The following RIN1 variants were observed in gnomAD, a reference collection of about 807,000 sequenced individuals.
RIN1 encodes the protein Ras and Rab interactor 1.
A neutral mutation model predicts 64.9 loss-of-function variants in RIN1; 52 were observed. The ratio of observed to expected loss-of-function variants is 0.80; its 90% CI spans 0.64 to 1.01. RIN1 has a LOEUF of 1.01. Ranked by LOEUF, RIN1 falls within the 50% of genes least tolerant of loss-of-function variation. The pLI, the probability that RIN1 is intolerant of heterozygous loss-of-function variation, is 0.00. For missense variants in RIN1, 1,040 were observed against 1,064.5 expected (o/e 0.98, Z 0.32); for synonymous variants, 486 against 483.6 (o/e 1.00, Z -0.06).
Position 66,335,398 on chromosome 11 carries a change from A to G in RIN1, c.547+9T>C. The G allele has an allele frequency of 1.9e-6, 3 of 1,601,030 alleles. No homozygotes were observed. On this transcript the variant is annotated intron_variant, in intron 5 of 9. Coordinates refer to ENST00000311320, the MANE Select transcript of RIN1 (RefSeq NM_004292.3). ...TTCATCTGTGCAATGGGTGGCAGGA[A>G]GCCCTTACCAATGCCCAGATGGGAG...
Position 66,334,775 on chromosome 11 carries a change from G to T in RIN1, c.1024C>A (p.Arg342Ser). 1.3e-6 allele frequency: 2 copies of T among 1,548,608 alleles called. No homozygotes were observed. The highest frequency in any genetic ancestry group is 2.4e-5 in the South Asian group (2 of 84,232). The change falls in exon 6 of 10, where the codon CGC (arginine) becomes AGC (serine). Residue 342 changes from arginine to serine, a missense_variant. Transcript: ENST00000311320. ...ATGGACCGAAGCAGAGGTCGTCGGCGGCCCAGGTGGGGTGAGGTCGCTGGG... is the reference window on the plus strand; with the variant it reads ...ATGGACCGAAGCAGAGGTCGTCGGCTGCCCAGGTGGGGTGAGGTCGCTGGG... ...GSPATSPHLG[R>S]RRPLLRSMSA... is the part of the protein sequence containing the mutation.
Position 66,332,259 on chromosome 11 carries a change from C to T in RIN1, c.*17G>A. 1 of 1,611,896 alleles carries T rather than the reference C, an allele frequency of 6.2e-7. No homozygotes were observed. Among genetic ancestry groups the T allele is most frequent in the Non-Finnish European group, 8.5e-7 (1 of 1,178,490 alleles). On this transcript the variant is annotated 3_prime_UTR_variant, in exon 10 of 10. Transcript: ENST00000311320. ...TCAGGGTCTCCCGCCCCGAATGACC[C>T]TTCTGGCCACTTCAAGCTACTCCTC...
chr11:66,336,212 C>G, intron 1 of RIN1, 54 bp from the exon 2 acceptor site: 1 of 1,490,020 alleles, frequency 6.7e-7, no homozygotes. Flanking sequence ...GACCCTTGCT[C>G]TCCTCTTCCC....
Position 66,334,794 on chromosome 11 carries a change from C to T in RIN1, c.1005G>A (p.Ala335=), listed in dbSNP as rs761075153. Residue 335 remains alanine (A), a synonymous_variant, in exon 6 of 10, where the codon GCG becomes GCA. Coordinates refer to ENST00000311320, the MANE Select transcript of RIN1 (RefSeq NM_004292.3). ...EGVPGSRGSP[A]TSPHLGRRRP... ...GTCGGCGGCCCAGGTGGGGTGAGGT[C>T]GCTGGGCTCCCCCGGGACCCTGGCA... 15 of 1,547,496 alleles carry T rather than the reference C, an allele frequency of 9.7e-6. No homozygotes were observed. The highest frequency in any genetic ancestry group is 2.7e-5 in the African/African-American group (2 of 73,138).
Position 66,333,517 on chromosome 11 carries a change from G to A in RIN1, c.1723+10C>T. 6.2e-7 allele frequency: 1 copy of A among 1,612,336 alleles called. No individual in the cohort carries two copies. Among genetic ancestry groups the A allele is most frequent in the Non-Finnish European group, 8.5e-7 (1 of 1,179,576 alleles). On this transcript the variant is annotated intron_variant, in intron 8 of 9. Transcript: ENST00000311320. The stretch of plus-strand genomic sequence containing the variant: ...CCACCCAGACAGGGAGGTGGGTGGG[G>A]GTCCCTCACCCTCTCCAGTAAGCAG...
At chr11:66,333,183 A>T in intron 9 of RIN1, 75 bp downstream of exon 9, 1 of 1,543,264 alleles carries the variant, frequency 6.5e-7, no homozygotes, top group South Asian at 1.1e-5. Context: ...CAGAGTCTGG[A>T]CTCTTCACCA....
chr11:66,335,867 C>G lies in RIN1; in HGVS notation c.277G>C (p.Val93Leu), dbSNP rs766478068. The change falls in exon 3 of 10, where the codon GTG (valine) becomes CTG (leucine). Residue 93 changes from valine (V) to leucine (L), a missense_variant. Transcript: ENST00000311320. ...LRTEPPGTFL[V>L]RKSNTRQCQA... ...CACTGGCGGGTGTTAGATTTCCGCA[C>G]GAGGAACGTCTGCAAGTGGATAGGG... 6 of 1,569,216 alleles carry G rather than the reference C, an allele frequency of 3.8e-6. No individual in the cohort carries two copies. In the Admixed American group the frequency reaches 5.4e-5, roughly 14 times the overall value.
At position 66,332,424 on chromosome 11, in the gene RIN1, C is replaced by T; in HGVS notation, c.2204G>A (p.Gly735Glu). 1 of 1,614,204 alleles carries T rather than the reference C, an allele frequency of 6.2e-7. No individual in the cohort carries two copies. Among genetic ancestry groups the T allele is most frequent in the Non-Finnish European group, 8.5e-7 (1 of 1,180,040 alleles). Reference sequence around the variant, plus strand: ...GGCTTTGACCCCAGCATCCCCATCTCCCTGGCACCCTTGCTCCTCCCCTCT... The same window carrying T: ...GGCTTTGACCCCAGCATCCCCATCTTCCTGGCACCCTTGCTCCTCCCCTCT... Reference protein sequence around the residue: ...RSRGEEQGCQGDGDAGVKASP... With the variant: ...RSRGEEQGCQEDGDAGVKASP... The change falls in exon 10 of 10, where the codon GGA (glycine) becomes GAA (glutamate). Residue 735 changes from glycine to glutamate, a missense_variant. Coordinates refer to ENST00000311320, the MANE Select transcript of RIN1 (RefSeq NM_004292.3).
At chr11:66,336,254 G>A (rs1210760865) in intron 1 of RIN1, 63 bp downstream of exon 1, 56 of 1,529,332 alleles carry the variant, frequency 3.7e-5, no homozygotes, top group East Asian at 3.4e-4. Context: ...CTCTATCCCC[G>A]GATAGGCCCT....
rs1252008561 is a variant in RIN1 at position 66,334,050 on chromosome 11, G to A, written c.1460C>T (p.Pro487Leu). The A allele has an allele frequency of 3.2e-6, 5 of 1,573,654 alleles. No individual in the cohort carries two copies. Among genetic ancestry groups the A allele is most frequent in the African/African-American group, 2.7e-5 (2 of 74,508 alleles). The part of the protein sequence containing the change: ...PGAFGSHLSL[P>L]SPVELEQVRQ... The stretch of plus-strand genomic sequence containing the variant: ...CACTTGCTCCAACTCTACTGGGGAG[G>A]GCAGGCTCAGGTGGGACCCGAAGGC... The change falls in exon 7 of 10, where the codon CCC (proline) becomes CTC (leucine). Residue 487 changes from proline (P) to leucine (L), a missense_variant. Physicochemically the swap from Pro to Leu is moderately conservative, Grantham distance 98 (BLOSUM62 -3). Coordinates refer to ENST00000311320, the MANE Select transcript of RIN1 (RefSeq NM_004292.3).
chr11:66,333,389 G>C lies in RIN1; in HGVS notation c.1744C>G (p.Leu582Val). ...CTCAGCAGGGCCAGGCTGGCAGAGAGGCTGGTCAGGTAGTAGCCACCTGGG... is the reference window on the plus strand; with the variant it reads ...CTCAGCAGGGCCAGGCTGGCAGAGACGCTGGTCAGGTAGTAGCCACCTGGG... ...TGEGGYYLTS[L>V]SASLALLSGL... Residue 582 changes from leucine (L) to valine (V), a missense_variant, in exon 9 of 10, where the codon CTC (leucine) becomes GTC (valine). By Grantham distance (32) the Leu-to-Val change is conservative. Coordinates refer to ENST00000311320, the MANE Select transcript of RIN1 (RefSeq NM_004292.3). 1 of 1,610,386 alleles carries C rather than the reference G, an allele frequency of 6.2e-7. No individual in the cohort carries two copies. Among genetic ancestry groups the C allele is most frequent in the Non-Finnish European group, 8.5e-7 (1 of 1,177,980 alleles).
Position 66,335,990 on chromosome 11 carries a change from G to C in RIN1, c.255C>G (p.Thr85=). ...NAAAALHMLR[T]EPPGTFLVRK... ...GGGCAAGACTCACCCCCGGGGGCTC[G>C]GTCCTCAGCATGTGCAGTGCGGCCG... The change falls in exon 2 of 10, where the codon ACC becomes ACG. Residue 85 remains threonine (T), a synonymous_variant. Transcript: ENST00000311320. The C allele has an allele frequency of 6.8e-7, 1 of 1,475,178 alleles. No homozygotes were observed. 91.4% of individuals were successfully genotyped at this position (1,475,178 alleles called of 1,614,324 possible). A position where few individuals can be genotyped will look rare whatever the true frequency, so the allele number is the denominator to read the frequency against.
In RIN1 at chr11:66,332,658, T is replaced by A. The variant is rs375078544; in HGVS notation, c.1970A>T (p.Gln657Leu). 7.6e-6 allele frequency: 12 copies of A among 1,587,328 alleles called. No homozygotes were observed. In the African/African-American group the frequency reaches 1.2e-4, roughly 16 times the overall value. ...CACTCGGAACTTGGTGGCACAGAGCTGGTTCAGGGTGGCAATCGAGGCTTC... is the reference window on the plus strand; with the variant it reads ...CACTCGGAACTTGGTGGCACAGAGCAGGTTCAGGGTGGCAATCGAGGCTTC... ...PPEASIATLN[Q>L]LCATKFRVTQ... The change falls in exon 10 of 10, where the codon CAG becomes CTG. Residue 657 changes from glutamine (Q) to leucine (L), a missense_variant. Physicochemically the swap from Gln to Leu is moderately radical, Grantham distance 113. Coordinates refer to ENST00000311320, the MANE Select transcript of RIN1 (RefSeq NM_004292.3).
chr11:66,335,006 G>A lies in RIN1; in HGVS notation c.793C>T (p.Pro265Ser), dbSNP rs201433709. Residue 265 changes from proline (P) to serine (S), a missense_variant, in exon 6 of 10, where the codon CCC becomes TCC. Transcript: ENST00000311320. The part of the protein sequence containing the change: ...SPLSPPAVPP[P>S]PVPVLPGAVP... Reference sequence around the variant, plus strand: ...GCCCCTGGCAGCACGGGGACGGGGGGAGGTGGCACGGCAGGTGGAGACAGG... The same window carrying A: ...GCCCCTGGCAGCACGGGGACGGGGGAAGGTGGCACGGCAGGTGGAGACAGG... 4.7e-5 allele frequency: 72 copies of A among 1,543,226 alleles called. 1 individual carries two copies. In the East Asian group the frequency reaches 1.5e-3, roughly 32 times the overall value.
In RIN1 at chr11:66,330,981, G is replaced by A. The variant is rs565580305; in HGVS notation, c.*1295C>T. On this transcript the variant is annotated 3_prime_UTR_variant, in exon 10 of 10. Coordinates refer to ENST00000311320, the MANE Select transcript of RIN1 (RefSeq NM_004292.3). The stretch of plus-strand genomic sequence containing the variant: ...CAGACCCCAGAATCTAAGGGACCTG[G>A]GGGCCAGTGGCCTTGGCCCCTGCGC... 3 of 152,410 alleles carry A rather than the reference G, an allele frequency of 2.0e-5. No individual in the cohort carries two copies. The highest frequency in any genetic ancestry group is 7.2e-5 in the African/African-American group (3 of 41,586). 9.4% of individuals were successfully genotyped at this position (152,410 alleles called of 1,614,324 possible).
chr11:66,333,166 C>G, intron 9 of RIN1, 92 bp downstream of exon 9: 1 of 1,475,198 alleles, frequency 6.8e-7, no homozygotes, highest in Non-Finnish European at 9.3e-7. Flanking sequence ...AACCCAGGAT[C>G]TGTCTACAGA....
rs371199660 is a variant in RIN1, at chr11:66,336,090, G to A, written c.155C>T (p.Pro52Leu). ...CTCCCGCAGGCTCACAACGCGCCCCGGCCGCTGCGGCCCGCCTGCCTGCCC... is the reference window on the plus strand; with the variant it reads ...CTCCCGCAGGCTCACAACGCGCCCCAGCCGCTGCGGCCCGCCTGCCTGCCC... ...SGGQAGGPQR[P>L]GRVVSLRERL... Residue 52 changes from proline to leucine, a missense_variant, in exon 2 of 10, where the codon CCG becomes CTG. Pro to Leu is a moderately conservative substitution (Grantham distance 98). Coordinates refer to ENST00000311320, the MANE Select transcript of RIN1 (RefSeq NM_004292.3). 6,999 of 1,451,018 alleles carry A rather than the reference G, an allele frequency of 4.8e-3. 30 individuals carry two copies. Among genetic ancestry groups the A allele is most frequent in the Non-Finnish European group, 5.5e-3 (6,062 of 1,103,602 alleles). 89.9% of individuals were successfully genotyped at this position (1,451,018 alleles called of 1,614,324 possible). A position where few individuals can be genotyped will look rare whatever the true frequency, so the allele number is the denominator to read the frequency against.
intron 9 of RIN1, 96 bp from the exon 10 acceptor site, chr11:66,332,848 C>T (rs1408307864): frequency 3.1e-6 from 3 of 963,878 alleles, no homozygotes. Flanking sequence ...TGTGCAGGGA[C>T]AGGGTGGGTA....
chr11:66,336,589 CCT>C, upstream of RIN1: 1 of 591,354 alleles, frequency 1.7e-6, no homozygotes, highest in Admixed American at 3.0e-5. Context: ...TCAGGGGTCC[CCT>C]CCATGCTAGC....
Sources: gnomAD v4.1 joint callset for allele counts on GRCh38, gnomAD v4.1.1 for gene constraint, MANE v1.5 for transcripts, NCBI Gene and HGNC (gene_info 2026-07-23, HGNC 2026-07-21) for gene names.